Variants in DPYSL5 observed in about 807,000 individuals in gnomAD.
DPYSL5 encodes the protein dihydropyrimidinase-related protein 5.
A neutral mutation model predicts 58.4 loss-of-function variants in DPYSL5; 9 were observed. The ratio of observed to expected loss-of-function variants is 0.15; its 90% CI spans 0.09 to 0.27. DPYSL5 has a LOEUF of 0.27. Ranked by LOEUF, DPYSL5 falls within the 10% of genes least tolerant of loss-of-function variation. The probability of loss-of-function intolerance (pLI) is 1.00; values close to 1 mark genes in which losing one functional copy is unlikely to be tolerated. For synonymous variants in DPYSL5, 293 were observed against 301.9 expected (o/e 0.97, Z 0.31); for missense variants, 499 against 770.6 (o/e 0.65, Z 4.17).
intron 3 of DPYSL5, among the ~76,000 whole-genome samples, chr2:26,926,935 G>A (rs1664841863): frequency 6.6e-6 from 1 of 152,206 alleles, no homozygotes; most frequent in Non-Finnish European, 1.5e-5. Context: ...TTATTCCTAT[G>A]TTTACCATTA....
chr2:26,928,707 A>ACACACACACACACACACACACACC (rs1664891922), intron 5 of DPYSL5, among the ~76,000 whole-genome samples: 1 of 84,242 alleles, frequency 1.2e-5, no homozygotes. Context: ...ATATATATAC[A>ACACACACACACACACACACACACC]CACACACACA....
intron 1 of DPYSL5, among the ~76,000 whole-genome samples, chr2:26,859,225 G>C (rs1665953066): frequency 6.6e-6 from 1 of 152,034 alleles, no homozygotes; most frequent in Admixed American, 6.6e-5. Flanking sequence ...TGAACATTAA[G>C]GTTATGTTCA....
At chr2:26,867,454 TG>T (rs1225603415) in intron 1 of DPYSL5, among the ~76,000 whole-genome samples, 3 of 140,834 alleles carry the variant, frequency 2.1e-5, no homozygotes, top group Non-Finnish European at 3.0e-5. Flanking sequence ...TTTTTTTTTT[TG>T]TTTGTTTTTT....
At chr2:26,883,867 T>C (rs903204501) in intron 1 of DPYSL5, among the ~76,000 whole-genome samples, 1 of 152,194 alleles carries the variant, frequency 6.6e-6, no homozygotes, top group Non-Finnish European at 1.5e-5. Flanking sequence ...TAGCCCGGGT[T>C]TGTGGTCCTT....
chr2:26,941,878 A>T (rs1665329656), intron 9 of DPYSL5, 72 bp from the exon 10 acceptor site: 1 of 1,601,996 alleles, frequency 6.2e-7, no homozygotes, highest in Non-Finnish European at 8.5e-7. Flanking sequence ...ATGGGCCAGC[A>T]TCAAAGGTGA....
Position 26,928,319 on chromosome 2 carries a change from A to T in DPYSL5, c.665A>T (p.Glu222Val). 6.2e-7 allele frequency: 1 copy of T among 1,613,842 alleles called. No individual in the cohort carries two copies. The highest frequency in any genetic ancestry group is 1.1e-5 in the South Asian group (1 of 91,056). Residue 222 changes from glutamate (E) to valine (V), a missense_variant, in exon 5 of 13, where the codon GAG becomes GTG. Transcript: ENST00000288699. ...GPEGIEISRP[E>V]ELEAEATHRV... ...GAAGGAATCGAGATCAGCCGTCCAG[A>T]GGAGGTGAGAAACACTTCCTGTAGC...
intron 1 of DPYSL5, among the ~76,000 whole-genome samples, chr2:26,860,738 A>G (rs1411775539): frequency 2.6e-5 from 4 of 152,330 alleles, no homozygotes; most frequent in African/African-American, 9.6e-5. Flanking sequence ...ATGTAGAACA[A>G]TCTCTAATAT....
intron 1 of DPYSL5, among the ~76,000 whole-genome samples, chr2:26,862,375 C>G (rs760004430): frequency 7.9e-5 from 12 of 152,184 alleles, no homozygotes; most frequent in Non-Finnish European, 1.3e-4. Flanking sequence ...CTGAAGTGCT[C>G]TCACTTGGGT....
rs956340682 is a variant in DPYSL5, at chr2:26,948,818, C to T, written c.*1823C>T. 2 of 152,576 alleles carry T rather than the reference C, an allele frequency of 1.3e-5. No homozygotes were observed. The highest frequency in any genetic ancestry group is 6.5e-5 in the Admixed American group (1 of 15,288). The allele number at this position is 152,576 out of a possible 1,614,324, so 9.5% of individuals were successfully genotyped here. ...CTTGCAGTGAGCCAAGATCACGCCA[C>T]TGCACTTCAGCCTGGACGACAGAGT... On this transcript the variant is annotated 3_prime_UTR_variant, in exon 13 of 13. Transcript: ENST00000288699.
intron 1 of DPYSL5, among the ~76,000 whole-genome samples, chr2:26,891,442 C>T (rs965376475): frequency 6.6e-6 from 1 of 152,096 alleles, no homozygotes; most frequent in Non-Finnish European, 1.5e-5. Context: ...GGGAGCCAAG[C>T]CTCTTCAGAG....
chr2:26,938,604 C>G (rs1417083089), intron 8 of DPYSL5: 2 of 152,256 alleles, frequency 1.3e-5, no homozygotes, highest in South Asian at 2.1e-4. Flanking sequence ...GACTGATAAG[C>G]CCTGCCAGGT....
At chr2:26,926,819 A>AT (rs1273547284) in intron 3 of DPYSL5, among the ~76,000 whole-genome samples, 1 of 152,194 alleles carries the variant, frequency 6.6e-6, no homozygotes, top group Admixed American at 6.5e-5. Flanking sequence ...AACTTTGTTC[A>AT]TGTTTAGCTT....
chr2:26,868,669 C>T (rs1346386739), intron 1 of DPYSL5, among the ~76,000 whole-genome samples: 1 of 152,132 alleles, frequency 6.6e-6, no homozygotes, highest in African/African-American at 2.4e-5. Context: ...TTCTGCTCTC[C>T]TTATCTGTTG....
chr2:26,853,664 A>C (rs1665808129), intron 1 of DPYSL5, among the ~76,000 whole-genome samples: 1 of 152,212 alleles, frequency 6.6e-6, no homozygotes, highest in East Asian at 1.9e-4. Flanking sequence ...GGCAAGTCCC[A>C]TATCTGTAGG....
chr2:26,934,699 C>G lies in DPYSL5; in HGVS notation c.912C>G (p.Thr304=), dbSNP rs1476315788. Residue 304 remains threonine, a synonymous_variant, in exon 8 of 13, where the codon ACC becomes ACG. Transcript: ENST00000288699. This position sits in a 1 kb window ranked among gnomAD's most constrained non-coding sequence, Gnocchi z 4.3. ...YVTVPPLRLD[T]NTSTYLMSLL... ...CGGTGCCTCCCCTGAGACTGGACAC[C>G]AACACCTCAACCTACCTCATGAGCC... is the stretch of plus-strand genomic sequence containing the variant. 1 of 1,614,070 alleles carries G rather than the reference C, an allele frequency of 6.2e-7. No homozygotes were observed. The highest frequency in any genetic ancestry group is 1.3e-5 in the African/African-American group (1 of 74,930).
chr2:26,916,470 A>G (rs1664566324), intron 2 of DPYSL5, among the ~76,000 whole-genome samples: 1 of 149,946 alleles, frequency 6.7e-6, no homozygotes, highest in African/African-American at 2.5e-5. Context: ...CACACTCCCT[A>G]AACTCCCTCA....
At position 26,849,146 on chromosome 2, in the gene DPYSL5, G is replaced by A. The variant is rs1346169360; in HGVS notation, c.-5+892G>A. On this transcript the variant is annotated intron_variant, in intron 1 of 12. Transcript: ENST00000288699. This position sits in a 1 kb window ranked among gnomAD's most constrained non-coding sequence, Gnocchi z 6.2. The stretch of plus-strand genomic sequence containing the variant: ...AGGGTTTGAGGAGGAAAGAGAAGGG[G>A]CGGGGGCGGGTCCGAAGAACGAGGG... 6.6e-6 allele frequency among the ~76,000 whole-genome samples: 1 copy of A among 151,668 alleles called. No homozygotes were observed. Among genetic ancestry groups the A allele is most frequent in the Non-Finnish European group, 1.5e-5 (1 of 67,892 alleles).
intron 1 of DPYSL5, among the ~76,000 whole-genome samples, chr2:26,867,143 A>T (rs1027946358): frequency 1.3e-5 from 2 of 152,094 alleles, no homozygotes; most frequent in Middle Eastern, 3.2e-3. Context: ...TACCCTATAC[A>T]CATCAATGTA....
chr2:26,892,176 C>G (rs1017069327), intron 1 of DPYSL5, among the ~76,000 whole-genome samples: 1 of 152,176 alleles, frequency 6.6e-6, no homozygotes, highest in African/African-American at 2.4e-5. Flanking sequence ...TAATGGGCTA[C>G]TTGTTATTTT....
Sources: allele counts gnomAD v4.1 joint callset (sites outside exome capture counted in the v4.1 genomes callset), GRCh38; gene constraint gnomAD v4.1.1; non-coding constraint Gnocchi (gnomAD v3.1); transcripts MANE v1.5; gene names NCBI Gene and HGNC (gene_info 2026-07-23, HGNC 2026-07-21).